NDUFC1: variants seen among roughly 807,000 people sequenced by gnomAD.
NDUFC1 encodes the protein NADH:ubiquinone oxidoreductase subunit C1, also known as NADH dehydrogenase [ubiquinone] 1 subunit C1, mitochondrial.
A neutral mutation model predicts 11.6 loss-of-function variants in NDUFC1; 11 were observed. The observed-to-expected ratio is 0.95, with a 90% CI of 0.60 to 1.58. The LOEUF (loss-of-function observed/expected upper bound fraction) is 1.58, where lower values mean the gene tolerates loss of function less well. Ranked by LOEUF, NDUFC1 falls within the 40% of genes most tolerant of loss-of-function variation. The pLI is 0.00. For synonymous variants in NDUFC1, 52 were observed against 42.2 expected (o/e 1.23, Z -0.90); for missense variants, 112 against 93.0 (o/e 1.20, Z -0.84).
At chr4:139,297,727 C>A (rs957886612) in intron 1 of NDUFC1, among the ~76,000 whole-genome samples, 9 of 152,100 alleles carry the variant, frequency 5.9e-5, no homozygotes, top group Non-Finnish European at 5.9e-5. Flanking sequence ...CAAAAAATCC[C>A]TATTTTTATT....
intron 3 of NDUFC1, 112 bp from the exon 4 acceptor site, chr4:139,295,258 C>G: frequency 1.3e-6 from 1 of 787,152 alleles, no homozygotes; most frequent in Admixed American, 2.1e-5. Context: ...TCCCCCATCT[C>G]CCACTTAAAC....
Position 139,302,176 on chromosome 4 carries a change from G to T in NDUFC1, c.-222+240C>A, listed in dbSNP as rs553713799. 8.1e-5 allele frequency: 22 copies of T among 270,516 alleles called. No homozygotes were observed. In the South Asian group the frequency reaches 2.2e-3, roughly 27 times the overall value. 16.8% of individuals were successfully genotyped at this position (270,516 alleles called of 1,614,324 possible). On this transcript the variant is annotated intron_variant, in intron 1 of 5. Transcript: ENST00000394223. Reference sequence around the variant, plus strand: ...AGTGGGCGACACCGGCAGGAGTCGCGGCCCGGTTGGTGTGGGAACCCTGCT... The same window carrying T: ...AGTGGGCGACACCGGCAGGAGTCGCTGCCCGGTTGGTGTGGGAACCCTGCT...
intron 1 of NDUFC1, chr4:139,301,176 G>A (rs1745704820): frequency 5.0e-6 from 1 of 198,614 alleles, no homozygotes; most frequent in Non-Finnish European, 1.0e-5. Context: ...AGCACTTTGG[G>A]CTCAAACGAT....
intron 1 of NDUFC1, chr4:139,301,647 C>T: frequency 9.2e-7 from 1 of 1,085,756 alleles, no homozygotes; most frequent in Middle Eastern, 2.4e-4. Context: ...CGCGGCGACA[C>T]CCGAGGCCTG....
intron 5 of NDUFC1, among the ~76,000 whole-genome samples, chr4:139,290,517 T>A (rs991435576): frequency 6.6e-6 from 1 of 151,802 alleles, no homozygotes; most frequent in African/African-American, 2.4e-5. Context: ...GGCAAAAGAT[T>A]TGGATAATCA....
At chr4:139,293,287 A>C (rs1256685060) in intron 4 of NDUFC1, among the ~76,000 whole-genome samples, 2 of 152,198 alleles carry the variant, frequency 1.3e-5, no homozygotes, top group African/African-American at 4.8e-5. Context: ...TAATCTTAGA[A>C]GTAGGATACC....
intron 1 of NDUFC1, among the ~76,000 whole-genome samples, 170 bp from the exon 2 acceptor site, chr4:139,297,613 A>G (rs1411352807): frequency 6.6e-6 from 1 of 152,252 alleles, no homozygotes; most frequent in Non-Finnish European, 1.5e-5. Context: ...CTAGAAAAGC[A>G]AAGTTTCAGT....
At position 139,295,127 on chromosome 4, in the gene NDUFC1, G is replaced by T. The variant is rs780353896; in HGVS notation, c.87C>A (p.Phe29Leu). The stretch of plus-strand genomic sequence containing the variant: ...TGGCATTCGGCGGCTCTCGCACGTA[G>T]AACTTTGATCGCACTGAAGCTGAAA... ...LPSGPSVRSKFYVREPPNAKP... is the reference protein window; with the variant it reads ...LPSGPSVRSKLYVREPPNAKP... Residue 29 changes from phenylalanine to leucine, a missense_variant, in exon 4 of 6, where the codon TTC becomes TTA. Coordinates refer to ENST00000394223, the MANE Select transcript of NDUFC1 (RefSeq NM_001184989.2). The T allele has an allele frequency of 6.2e-7, 1 of 1,614,150 alleles. No homozygotes were observed. Among genetic ancestry groups the T allele is most frequent in the South Asian group, 1.1e-5 (1 of 91,086 alleles).
At chr4:139,301,161 A>G in intron 1 of NDUFC1, 1 of 182,692 alleles carries the variant, frequency 5.5e-6, no homozygotes, top group Non-Finnish European at 1.1e-5. Flanking sequence ...CTACACCTGT[A>G]TTTTAGCACT....
intron 5 of NDUFC1, among the ~76,000 whole-genome samples, chr4:139,292,326 C>CA: frequency 6.7e-6 from 1 of 148,930 alleles, no homozygotes; most frequent in South Asian, 2.1e-4. Context: ...AAACAACAAA[C>CA]AAAAAAAACC....
intron 5 of NDUFC1, among the ~76,000 whole-genome samples, chr4:139,291,125 T>TTATA (rs971995214): frequency 9.4e-5 from 14 of 148,694 alleles, no homozygotes; most frequent in South Asian, 8.4e-4. Flanking sequence ...TGTATATATT[T>TTATA]TATATATATA....
chr4:139,298,673 T>C (rs1745575677), intron 1 of NDUFC1, among the ~76,000 whole-genome samples: 1 of 147,318 alleles, frequency 6.8e-6, no homozygotes, highest in African/African-American at 2.4e-5. Context: ...ATTTCTTTTA[T>C]ATTCTTTTTT....
At chr4:139,297,227 A>G (rs746570132) in intron 2 of NDUFC1, among the ~76,000 whole-genome samples, 158 bp downstream of exon 2, 2 of 152,224 alleles carry the variant, frequency 1.3e-5, no homozygotes, top group African/African-American at 2.4e-5. Flanking sequence ...AACAGATGCT[A>G]TCTTTAGTCA....
At position 139,295,848 on chromosome 4, in the gene NDUFC1, A is replaced by ATCTTG; in HGVS notation, c.-51_-50insCAAGA. On this transcript the variant is annotated 5_prime_UTR_variant, in exon 3 of 6. It adds an upstream start codon to the 5' untranslated region. Transcript: ENST00000394223. Reference sequence around the variant, plus strand: ...CCGAGTTGGCAACAGAACCAGCGCCACCTGGCGGCCGGAAGTGCGGGACTC... The same window carrying ATCTTG: ...CCGAGTTGGCAACAGAACCAGCGCCATCTTGCCTGGCGGCCGGAAGTGCGGGACTC... 6.5e-7 allele frequency: 1 copy of ATCTTG among 1,530,524 alleles called. No individual in the cohort carries two copies. Among genetic ancestry groups the ATCTTG allele is most frequent in the Non-Finnish European group, 8.8e-7 (1 of 1,137,882 alleles). 94.8% of individuals were successfully genotyped at this position (1,530,524 alleles called of 1,614,324 possible).
chr4:139,302,004 C>T (rs566338695), intron 1 of NDUFC1: 4 of 631,810 alleles, frequency 6.3e-6, no homozygotes, highest in East Asian at 6.7e-5. Flanking sequence ...CCTACTATGG[C>T]CCGCGCGCCA....
chr4:139,301,873 C>T (rs370801350), intron 1 of NDUFC1: 2 of 1,557,466 alleles, frequency 1.3e-6, no homozygotes, highest in Non-Finnish European at 1.7e-6. Context: ...AGGATTTAGC[C>T]GGTAACCGGG....
intron 5 of NDUFC1, among the ~76,000 whole-genome samples, chr4:139,290,473 A>G (rs979827445): frequency 2.6e-5 from 4 of 151,848 alleles, no homozygotes; most frequent in Non-Finnish European, 1.5e-5. Flanking sequence ...GGCTGATTAG[A>G]GTAGTGAAAT....
At chr4:139,299,917 T>C (rs1312560758) in intron 1 of NDUFC1, among the ~76,000 whole-genome samples, 1 of 152,152 alleles carries the variant, frequency 6.6e-6, no homozygotes, top group Non-Finnish European at 1.5e-5. Context: ...CTATAGCAAA[T>C]AGTATTGCTG....
chr4:139,292,691 A>G, intron 4 of NDUFC1, 82 bp from the exon 5 acceptor site: 1 of 859,794 alleles, frequency 1.2e-6, no homozygotes, highest in South Asian at 2.2e-5. Context: ...GATAGAAAAA[A>G]TAAACAACTA....
Sources: gnomAD v4.1 joint callset for allele counts (sites outside exome capture counted in the v4.1 genomes callset) on GRCh38, gnomAD v4.1.1 for gene constraint, MANE v1.5 for transcripts, NCBI Gene and HGNC (gene_info 2026-07-23, HGNC 2026-07-21) for gene names.